USP11: variants seen among roughly 807,000 people sequenced by gnomAD.
USP11 encodes the protein ubiquitin specific peptidase 11.
A neutral mutation model predicts 72.8 loss-of-function variants in USP11; 5 were observed. The ratio of observed to expected loss-of-function variants is 0.07; its 90% CI spans 0.04 to 0.14. The LOEUF is 0.14. Among genes scored for constraint, USP11 ranks in the 10% least tolerant of loss-of-function variants. The probability of loss-of-function intolerance (pLI) is 1.00; values close to 1 mark genes in which losing one functional copy is unlikely to be tolerated. For synonymous variants in USP11, 368 were observed against 326.5 expected (o/e 1.13, Z -1.37); for missense variants, 480 against 794.7 (o/e 0.60, Z 4.76).
Position 47,239,508 on chromosome X carries a change from C to T in USP11, c.417+27C>T, listed in dbSNP as rs751388148. On this transcript the variant is annotated intron_variant, in intron 3 of 20. Transcript: ENST00000377107. Reference sequence around the variant, plus strand: ...TATAATGGATGGGGAGGGTGCATGGCGGGGAGTGCGTAGTAAGAAAGCCTT... The same window carrying T: ...TATAATGGATGGGGAGGGTGCATGGTGGGGAGTGCGTAGTAAGAAAGCCTT... 39 of 1,206,105 alleles carry T rather than the reference C, an allele frequency of 3.2e-5. No individual in the cohort carries two copies. The East Asian group carries it at 4.7e-4, about 15-fold the overall frequency.
Position 47,239,023 on chromosome X carries a change from A to G in USP11, c.177-47A>G. ...TTGGGCATGGGAAGTTGTATAGCTA[A>G]CCCTCAGCTACCCATGTAACACCCT... On this transcript the variant is annotated intron_variant, in intron 1 of 20. Coordinates refer to ENST00000377107, the MANE Select transcript of USP11 (RefSeq NM_001371072.1). 3 of 987,427 alleles carry G rather than the reference A, an allele frequency of 3.0e-6. No homozygotes were observed. The South Asian group carries it at 6.1e-5, about 20-fold the overall frequency. The allele number at this position is 987,427 out of a possible 1,213,427, so 81.4% of individuals were successfully genotyped here.
intron 17 of USP11, among the ~76,000 whole-genome samples, chrX:47,246,785 C>T (rs1325120228): frequency 9.0e-6 from 1 of 110,884 alleles, no homozygotes; most frequent in Non-Finnish European, 1.9e-5. Flanking sequence ...CCTTGGGAGG[C>T]CGACACGGGT....
intron 17 of USP11, among the ~76,000 whole-genome samples, chrX:47,246,786 C>T (rs753968379): frequency 6.3e-5 from 7 of 110,738 alleles, no homozygotes; most frequent in African/African-American, 9.9e-5. Flanking sequence ...CTTGGGAGGC[C>T]GACACGGGTG....
intron 3 of USP11, 52 bp downstream of exon 3, chrX:47,239,533 T>A: frequency 8.3e-7 from 1 of 1,201,682 alleles, no homozygotes; most frequent in Non-Finnish European, 1.1e-6. Context: ...AAGAAAGCCT[T>A]GTAGGCCCAG....
intron 8 of USP11, 35 bp from the exon 9 acceptor site, chrX:47,241,506 C>G (rs771847398): frequency 1.7e-5 from 20 of 1,188,420 alleles, no homozygotes; most frequent in Non-Finnish European, 2.2e-5. Flanking sequence ...TCTCCTAACT[C>G]CCTCTCTCTC....
chrX:47,235,081 C>A (rs907330598), intron 1 of USP11, among the ~76,000 whole-genome samples: 3 of 111,851 alleles, frequency 2.7e-5, no homozygotes, highest in Non-Finnish European at 5.6e-5. Context: ...AGATTCAGAA[C>A]ACTGTCTTAA....
Position 47,241,288 on chromosome X carries a change from T to C in USP11, c.858T>C (p.Asn286=). ...TCTGGCCTCTGCAGTGCCTCAGCAA[T>C]GTGCCACAGCTCACCGAGTACTTCC... ...FMNSALQCLS[N]VPQLTEYFLN... The change falls in exon 8 of 21, where the codon AAT becomes AAC. Residue 286 remains asparagine (N), a synonymous_variant. Transcript: ENST00000377107. 8.3e-7 allele frequency: 1 copy of C among 1,206,724 alleles called. No homozygotes were observed. The highest frequency in any genetic ancestry group is 1.1e-6 in the Non-Finnish European group (1 of 893,078).
chrX:47,237,790 G>A (rs1023325563), intron 1 of USP11, among the ~76,000 whole-genome samples: 37 of 28,110 alleles, frequency 1.3e-3, no homozygotes, highest in Non-Finnish European at 4.0e-3. Flanking sequence ...GTGTGTATGT[G>A]TGTGTGTGTG....
In USP11 at chrX:47,245,276, A is replaced by G. The variant is rs1237549115; in HGVS notation, c.2158-94A>G. 3 of 946,677 alleles carry G rather than the reference A, an allele frequency of 3.2e-6. No homozygotes were observed. In the Admixed American group the frequency reaches 7.6e-5, roughly 24 times the overall value. The allele number at this position is 946,677 out of a possible 1,213,427, so 78.0% of individuals were successfully genotyped here. A position where few individuals can be genotyped will look rare whatever the true frequency, so the allele number is the denominator to read the frequency against. ...AGCTTCAAAGTCGGTGCTCTGACCC[A>G]CTCAGTGTGTGTCTCCCCCGCTGGG... is the stretch of plus-strand genomic sequence containing the variant. On this transcript the variant is annotated intron_variant, in intron 16 of 20. Coordinates refer to ENST00000377107, the MANE Select transcript of USP11 (RefSeq NM_001371072.1).
intron 9 of USP11, 43 bp from the exon 10 acceptor site, chrX:47,242,039 T>A (rs1381839645): frequency 8.5e-7 from 1 of 1,177,407 alleles, no homozygotes; most frequent in Non-Finnish European, 1.1e-6. Flanking sequence ...GGTTTCCTCT[T>A]ACCCTGGGCA....
chrX:47,236,929 G>C (rs752500826), intron 1 of USP11, among the ~76,000 whole-genome samples: 89 of 111,876 alleles, frequency 8.0e-4, no homozygotes, highest in African/African-American at 2.8e-3. Flanking sequence ...GAGACATCCT[G>C]ATTTCAGAGA....
At chrX:47,238,759 C>G (rs753997217) in intron 1 of USP11, among the ~76,000 whole-genome samples, 2 of 110,975 alleles carry the variant, frequency 1.8e-5, no homozygotes, top group African/African-American at 6.6e-5. Context: ...TCAAATGAAT[C>G]ATCTTTTATT....
At chrX:47,244,042 C>T (rs1447933637) in intron 13 of USP11, among the ~76,000 whole-genome samples, 1 of 110,355 alleles carries the variant, frequency 9.1e-6, no homozygotes, top group Non-Finnish European at 1.9e-5. Context: ...AAGTTACAGC[C>T]GGTATGTGTC....
At chrX:47,247,505 G>A in intron 19 of USP11, 86 bp downstream of exon 19, 2 of 1,159,805 alleles carry the variant, frequency 1.7e-6, no homozygotes, top group East Asian at 3.0e-5. Context: ...GACTAGGGAT[G>A]TGAGCCAGTG....
At position 47,241,269 on chromosome X, in the gene USP11, C is replaced by T; in HGVS notation, c.847-8C>T. 1 of 1,198,656 alleles carries T rather than the reference C, an allele frequency of 8.3e-7. No individual in the cohort carries two copies. The highest frequency in any genetic ancestry group is 1.1e-6 in the Non-Finnish European group (1 of 889,091). On this transcript the variant is annotated splice_region_variant and splice_polypyrimidine_tract_variant and intron_variant, in intron 7 of 20. Coordinates refer to ENST00000377107, the MANE Select transcript of USP11 (RefSeq NM_001371072.1). ...CTGCCTCATTCACCTGGTCTCTGGC[C>T]TCTGCAGTGCCTCAGCAATGTGCCA...
chrX:47,238,487 C>CTTTT lies in USP11; in HGVS notation c.177-562_177-559dup, dbSNP rs57112058. Among the ~76,000 whole-genome samples, 392 of 44,299 alleles carry CTTTT rather than the reference C, an allele frequency of 8.8e-3. 41 individuals carry two copies. The highest frequency in any genetic ancestry group is 0.04 in the African/African-American group (374 of 9,255). 38.5% of individuals were successfully genotyped at this position (44,299 alleles called of 115,157 possible). A position where few individuals can be genotyped will look rare whatever the true frequency, so the allele number is the denominator to read the frequency against. ...ACTGGCGTGAGCCACTGTGCCCGGT[C>CTTTT]TTTTTTTTTTTTTTTTTTTTTTTTC... On this transcript the variant is annotated intron_variant, in intron 1 of 20. Transcript: ENST00000377107.
intron 7 of USP11, 83 bp downstream of exon 7, chrX:47,240,959 A>C (rs1045994651): frequency 1.1e-6 from 1 of 933,739 alleles, no homozygotes; most frequent in Non-Finnish European, 1.5e-6. Flanking sequence ...TGGGGTCCTG[A>C]GGGGACTACA....
chrX:47,233,545 T>A, intron 1 of USP11: 1 of 896,072 alleles, frequency 1.1e-6, no homozygotes, highest in East Asian at 5.8e-5. Flanking sequence ...TGGGTTCTGC[T>A]ACATAAGGCG....
intron 17 of USP11, among the ~76,000 whole-genome samples, chrX:47,246,402 A>G (rs1301970379): frequency 1.8e-5 from 2 of 112,057 alleles, no homozygotes; most frequent in Non-Finnish European, 3.8e-5. Flanking sequence ...CAGAAATACA[A>G]AATAGTTCCA....
Sources: allele counts gnomAD v4.1 joint callset (sites outside exome capture counted in the v4.1 genomes callset), GRCh38; gene constraint gnomAD v4.1.1; transcripts MANE v1.5; gene names NCBI Gene and HGNC (gene_info 2026-07-23, HGNC 2026-07-21).